CCDC3: variants seen among roughly 807,000 people sequenced by gnomAD.
The protein encoded by CCDC3 is coiled-coil domain containing 3.
In CCDC3, 24 loss-of-function variants were observed where a neutral mutation model predicts 21.4. The observed-to-expected ratio is 1.12, with a 90% CI of 0.81 to 1.58. The LOEUF is 1.58. CCDC3 is among the 40% of genes most tolerant of loss of function. The pLI is 0.00. For synonymous variants in CCDC3, 186 were observed against 166.0 expected (o/e 1.12, Z -0.93); for missense variants, 425 against 360.9 (o/e 1.18, Z -1.44).
At chr10:13,011,376 A>C (rs915040562) in intron 5 of CCDC3, among the ~76,000 whole-genome samples, 1 of 152,078 alleles carries the variant, frequency 6.6e-6, no homozygotes, top group Admixed American at 6.6e-5. Flanking sequence ...AATCAGTAGC[A>C]CTCCTATACA....
At chr10:12,911,504 G>C (rs1167571527) in intron 2 of CCDC3, among the ~76,000 whole-genome samples, 1 of 152,070 alleles carries the variant, frequency 6.6e-6, no homozygotes, top group Non-Finnish European at 1.5e-5. Flanking sequence ...TATTTTAGTG[G>C]CATGATTTCT....
chr10:13,092,331 A>G (rs1431754237), intron 3 of CCDC3, among the ~76,000 whole-genome samples: 2 of 152,226 alleles, frequency 1.3e-5, no homozygotes, highest in Admixed American at 6.5e-5. Context: ...TTCTAAATTT[A>G]TGTAAGATCA....
At chr10:12,906,668 T>C (rs1834177680) in intron 2 of CCDC3, among the ~76,000 whole-genome samples, 1 of 152,150 alleles carries the variant, frequency 6.6e-6, no homozygotes, top group Admixed American at 6.5e-5. Context: ...GGGTCTTGCT[T>C]AAGTCAATGA....
chr10:12,959,809 A>G (rs1283651567), intron 2 of CCDC3, among the ~76,000 whole-genome samples: 1 of 152,160 alleles, frequency 6.6e-6, no homozygotes, highest in African/African-American at 2.4e-5. Flanking sequence ...CATGGCACCC[A>G]AAACACTCAC....
intron 5 of CCDC3, among the ~76,000 whole-genome samples, chr10:13,042,926 AAG>A (rs1185832435): frequency 4.3e-4 from 60 of 138,416 alleles, no homozygotes; most frequent in African/African-American, 1.6e-3. Flanking sequence ...AAAAAAAAAA[AAG>A]AAAAGAAAAA....
chr10:13,046,707 CA>C (rs35466054), intron 5 of CCDC3, among the ~76,000 whole-genome samples: 66,269 of 137,736 alleles, frequency 0.48, 15,432 homozygotes, highest in African/African-American at 0.53. Flanking sequence ...AACTCCGTCT[CA>C]AAAAAAAAAA....
chr10:12,944,636 A>C (rs1834884555), intron 2 of CCDC3, among the ~76,000 whole-genome samples: 1 of 152,244 alleles, frequency 6.6e-6, no homozygotes, highest in Admixed American at 6.5e-5. Flanking sequence ...CATGGTTCTT[A>C]ACTTAGGCAA....
intron 2 of CCDC3, among the ~76,000 whole-genome samples, chr10:12,945,845 A>G (rs1156765025): frequency 6.6e-6 from 1 of 152,210 alleles, no homozygotes; most frequent in East Asian, 1.9e-4. Context: ...GTTGCCTTTG[A>G]CTATCTGTTG....
intron 3 of CCDC3, among the ~76,000 whole-genome samples, chr10:13,095,656 G>C (rs1478499520): frequency 6.6e-6 from 1 of 152,210 alleles, no homozygotes; most frequent in African/African-American, 2.4e-5. Context: ...TAGTTCCTGA[G>C]AGGCCACAGG....
intron 2 of CCDC3, among the ~76,000 whole-genome samples, chr10:12,994,823 G>A (rs1008275306): frequency 2.0e-5 from 3 of 152,112 alleles, no homozygotes; most frequent in Non-Finnish European, 4.4e-5. Flanking sequence ...GCTCACGCCT[G>A]TAATCCCAGC....
chr10:13,090,063 A>ACCGTTTCTTTCTTTTTTTTTTTTTTTTT (rs1564345350), intron 3 of CCDC3, among the ~76,000 whole-genome samples: 2 of 56,942 alleles, frequency 3.5e-5, no homozygotes, highest in Admixed American at 2.0e-4. Context: ...ATATATATAT[A>ACCGTTTCTTTCTTTTTTTTTTTTTTTTT]TATATATATA....
intron 2 of CCDC3, among the ~76,000 whole-genome samples, chr10:12,970,076 G>A (rs1045137649): frequency 2.0e-5 from 3 of 152,054 alleles, no homozygotes; most frequent in African/African-American, 7.2e-5. Context: ...CTAATGTATG[G>A]GTTTTTAGGG....
Position 12,906,168 on chromosome 10 carries a change from G to A in CCDC3, c.550-7489C>T, listed in dbSNP as rs1379114234. On this transcript the variant is annotated intron_variant, in intron 2 of 2. Coordinates refer to ENST00000378825, the MANE Select transcript of CCDC3 (RefSeq NM_031455.4). ...AGGACCACACTGGAGGATGCCCAGA[G>A]CTGCTGAAAAAACTCCCAAAGCTGG... Among the ~76,000 whole-genome samples, 4 of 152,198 alleles carry A rather than the reference G, an allele frequency of 2.6e-5. No individual in the cohort carries two copies. In the East Asian group the frequency reaches 7.7e-4, roughly 29 times the overall value.
chr10:13,068,551 G>A (rs564123788), intron 4 of CCDC3, among the ~76,000 whole-genome samples: 21 of 152,206 alleles, frequency 1.4e-4, no homozygotes, highest in African/African-American at 4.6e-4. Context: ...AATTATGCAG[G>A]TCAGATATTA....
chr10:12,918,262 T>C (rs1343618617), intron 2 of CCDC3, among the ~76,000 whole-genome samples: 8 of 152,214 alleles, frequency 5.3e-5, no homozygotes, highest in Non-Finnish European at 8.8e-5. Context: ...TATGATGTGA[T>C]AGGATATTCC....
intron 3 of CCDC3, among the ~76,000 whole-genome samples, chr10:13,083,541 A>G (rs926750506): frequency 1.3e-5 from 2 of 152,256 alleles, no homozygotes; most frequent in Non-Finnish European, 2.9e-5. Context: ...TAGCTGTTAA[A>G]TGTGCTCACA....
chr10:12,964,579 C>T (rs1405876841), intron 2 of CCDC3, among the ~76,000 whole-genome samples: 1 of 152,144 alleles, frequency 6.6e-6, no homozygotes, highest in African/African-American at 2.4e-5. Context: ...CAAGAGGGGA[C>T]CCAGATCCCT....
intron 3 of CCDC3, among the ~76,000 whole-genome samples, chr10:13,090,786 T>C (rs2083381): frequency 0.51 from 77,981 of 152,002 alleles, 20,186 homozygotes; most frequent in East Asian, 0.62. Context: ...GACAGATGCA[T>C]ATATTGAAGG....
At chr10:12,969,984 C>T (rs1313786495) in intron 2 of CCDC3, among the ~76,000 whole-genome samples, 1 of 152,042 alleles carries the variant, frequency 6.6e-6, no homozygotes, top group Admixed American at 6.5e-5. Context: ...TTAATGAAGC[C>T]ATTTTAATTT....
Sources: gnomAD v4.1 joint callset for allele counts (sites outside exome capture counted in the v4.1 genomes callset) on GRCh38, gnomAD v4.1.1 for gene constraint, MANE v1.5 for transcripts, NCBI Gene and HGNC (gene_info 2026-07-23, HGNC 2026-07-21) for gene names.